CELF4: variants seen among roughly 807,000 people sequenced by gnomAD.
The protein encoded by CELF4 is CUGBP Elav-like family member 4.
A neutral mutation model predicts 59.9 loss-of-function variants in CELF4; 18 were observed. The ratio of observed to expected loss-of-function variants is 0.30; its 90% CI spans 0.21 to 0.45. CELF4 has a LOEUF of 0.45. Among genes scored for constraint, CELF4 ranks in the 20% least tolerant of loss-of-function variants. The probability of loss-of-function intolerance (pLI) is 1.00; values close to 1 mark genes in which losing one functional copy is unlikely to be tolerated. For synonymous variants in CELF4, 261 were observed against 267.1 expected (o/e 0.98, Z 0.22); for missense variants, 456 against 689.0 (o/e 0.66, Z 3.79).
intron 3 of CELF4, among the ~76,000 whole-genome samples, chr18:37,312,137 A>AGAAAAG (rs1569557791): frequency 4.6e-4 from 65 of 141,284 alleles, no homozygotes; most frequent in South Asian, 6.6e-4. Context: ...AAAAGAAAAA[A>AGAAAAG]AAAAAAAGAA....
intron 3 of CELF4, among the ~76,000 whole-genome samples, chr18:37,281,965 G>A (rs773578041): frequency 2.6e-5 from 4 of 152,298 alleles, no homozygotes; most frequent in Non-Finnish European, 4.4e-5. Flanking sequence ...CTCAACAGGA[G>A]GGCCAGGCCA....
chr18:37,519,647 C>T (rs901437376), intron 1 of CELF4, among the ~76,000 whole-genome samples: 3 of 152,190 alleles, frequency 2.0e-5, no homozygotes, highest in African/African-American at 7.2e-5. Context: ...GTATGTCTGG[C>T]TGGCTGGGCC....
At chr18:37,294,436 G>A (rs2095525753) in intron 3 of CELF4, among the ~76,000 whole-genome samples, 1 of 152,182 alleles carries the variant, frequency 6.6e-6, no homozygotes, top group Non-Finnish European at 1.5e-5. Context: ...TAGGTGACAA[G>A]ATGCCAGCTT....
intron 1 of CELF4, among the ~76,000 whole-genome samples, chr18:37,504,959 G>C (rs1161201847): frequency 6.6e-6 from 1 of 152,272 alleles, no homozygotes; most frequent in Non-Finnish European, 1.5e-5. Flanking sequence ...CACCAGGCCT[G>C]GGCCAGAGCA....
rs1273983707 is a variant in CELF4, at chr18:37,449,519, T to C, written c.369+36006A>G. Among the ~76,000 whole-genome samples, 4 of 152,300 alleles carry C rather than the reference T, an allele frequency of 2.6e-5. No individual in the cohort carries two copies. In the East Asian group the frequency reaches 7.7e-4, roughly 29 times the overall value. On this transcript the variant is annotated intron_variant, in intron 2 of 12. Transcript: ENST00000420428. ...CTATGCCACTGAGTGACAGGCCCTGTTCCAGATCCGGGGATACAGCGGTAA... is the reference window on the plus strand; with the variant it reads ...CTATGCCACTGAGTGACAGGCCCTGCTCCAGATCCGGGGATACAGCGGTAA...
intron 2 of CELF4, among the ~76,000 whole-genome samples, chr18:37,443,636 G>A (rs1569569433): frequency 2.0e-5 from 3 of 152,150 alleles, no homozygotes; most frequent in African/African-American, 7.2e-5. Flanking sequence ...GCCTCAGGAA[G>A]AGGGTCCAGG....
chr18:37,415,119 A>G (rs965102542), intron 2 of CELF4, among the ~76,000 whole-genome samples: 1 of 152,194 alleles, frequency 6.6e-6, no homozygotes, highest in Non-Finnish European at 1.5e-5. Flanking sequence ...TCTGTCAGGC[A>G]GGATCAGGAA....
intron 2 of CELF4, among the ~76,000 whole-genome samples, chr18:37,366,119 C>T (rs991214801): frequency 6.6e-6 from 1 of 152,122 alleles, no homozygotes; most frequent in Non-Finnish European, 1.5e-5. Flanking sequence ...AAAGGAGAAG[C>T]GGTATCTACC....
At chr18:37,485,271 C>T (rs1255522983) in intron 2 of CELF4, among the ~76,000 whole-genome samples, 1 of 151,814 alleles carries the variant, frequency 6.6e-6, no homozygotes, top group East Asian at 1.9e-4. Flanking sequence ...GGACCCGGGA[C>T]GCGCCGCTCC....
At chr18:37,265,846 A>G (rs1168781562) in intron 9 of CELF4, among the ~76,000 whole-genome samples, 4 of 152,186 alleles carry the variant, frequency 2.6e-5, no homozygotes. Flanking sequence ...CAGGGAAGAG[A>G]GACCCTGATC....
At chr18:37,272,936 G>T in intron 7 of CELF4, 80 bp downstream of exon 7, 1 of 1,397,410 alleles carries the variant, frequency 7.2e-7, no homozygotes, top group Non-Finnish European at 9.9e-7. Flanking sequence ...ATGGTCCGCT[G>T]GTAGCTGAAA....
chr18:37,332,484 C>T (rs558185294), intron 2 of CELF4, among the ~76,000 whole-genome samples: 187 of 152,278 alleles, frequency 1.2e-3, no homozygotes, highest in Middle Eastern at 0.01. Context: ...GCCTGCTCCT[C>T]CTTCTCTCTG....
chr18:37,352,341 C>G (rs746122450), intron 2 of CELF4, among the ~76,000 whole-genome samples: 1 of 152,178 alleles, frequency 6.6e-6, no homozygotes, highest in Admixed American at 6.5e-5. Flanking sequence ...TCCTCCCCAG[C>G]CTGCAGAAGG....
chr18:37,441,448 G>GA (rs1603641093), intron 2 of CELF4, among the ~76,000 whole-genome samples: 2 of 152,122 alleles, frequency 1.3e-5, no homozygotes, highest in African/African-American at 2.4e-5. Context: ...CTCAGAACCA[G>GA]AAAAAACAAA....
intron 3 of CELF4, among the ~76,000 whole-genome samples, chr18:37,291,725 C>G (rs1282807193): frequency 6.6e-6 from 1 of 152,206 alleles, no homozygotes; most frequent in Non-Finnish European, 1.5e-5. Context: ...CCTCCTCTGT[C>G]CCACCACATT....
intron 2 of CELF4, among the ~76,000 whole-genome samples, chr18:37,366,780 A>T (rs950468936): frequency 6.6e-6 from 1 of 152,054 alleles, no homozygotes; most frequent in Non-Finnish European, 1.5e-5. Context: ...TGAATCCCAG[A>T]CCTGTCTAAA....
At chr18:37,422,658 A>G (rs1483946748) in intron 2 of CELF4, among the ~76,000 whole-genome samples, 1 of 152,158 alleles carries the variant, frequency 6.6e-6, no homozygotes, top group African/African-American at 2.4e-5. Context: ...GTGTGCATGC[A>G]TGCATGTGCC....
At position 37,395,689 on chromosome 18, in the gene CELF4, G is replaced by T. The variant is rs766007777; in HGVS notation, c.370-73808C>A. 8.9e-4 allele frequency among the ~76,000 whole-genome samples: 135 copies of T among 152,360 alleles called. 1 individual carries two copies. The highest frequency in any genetic ancestry group is 3.2e-4 in the Non-Finnish European group (22 of 68,042). On this transcript the variant is annotated intron_variant, in intron 2 of 12. Coordinates refer to ENST00000420428, the MANE Select transcript of CELF4 (RefSeq NM_020180.4). ...GACTCTGTCAAGTGGTAGAGGCGCT[G>T]AAGTCCAATCCAATTGACCTCTTGG...
intron 11 of CELF4, among the ~76,000 whole-genome samples, chr18:37,258,860 G>A (rs1412713647): frequency 1.3e-5 from 2 of 152,158 alleles, no homozygotes; most frequent in Non-Finnish European, 2.9e-5. Flanking sequence ...CTTCTCAGTA[G>A]GTTGGAATTT....
Sources: allele counts gnomAD v4.1 joint callset (sites outside exome capture counted in the v4.1 genomes callset), GRCh38; gene constraint gnomAD v4.1.1; transcripts MANE v1.5; gene names NCBI Gene and HGNC (gene_info 2026-07-23, HGNC 2026-07-21).